Variants in FIBCD1 observed in about 807,000 individuals in gnomAD.
FIBCD1 encodes the protein fibrinogen C domain-containing protein 1.
FIBCD1 carries 47 observed loss-of-function variants against 45.1 expected under a neutral mutation model. The ratio of observed to expected loss-of-function variants is 1.04; its 90% CI spans 0.82 to 1.33. The LOEUF (loss-of-function observed/expected upper bound fraction) is 1.33, where lower values mean the gene tolerates loss of function less well. Ranked by LOEUF, FIBCD1 falls within the 40% of genes most tolerant of loss-of-function variation. FIBCD1 has a pLI of 0.00. For missense variants in FIBCD1, 653 were observed against 682.2 expected, an observed-to-expected ratio of 0.96 and a Z score of 0.48; for synonymous variants, 313 against 308.1, an observed-to-expected ratio of 1.02 and a Z score of -0.17.
intron 5 of FIBCD1, among the ~76,000 whole-genome samples, chr9:130,910,083 C>T (rs545546123): frequency 1.4e-4 from 21 of 152,240 alleles, no homozygotes; most frequent in Non-Finnish European, 2.8e-4. Context: ...CTGGCCAAGG[C>T]CGGAGCCCAC....
At chr9:130,904,435 A>T in intron 6 of FIBCD1, 112 bp from the exon 7 acceptor site, 1 of 1,421,470 alleles carries the variant, frequency 7.0e-7, no homozygotes, top group Non-Finnish European at 9.4e-7. Flanking sequence ...GTGAGTGCAT[A>T]CACGTACGCA....
At chr9:130,921,055 G>A (rs949352877) in intron 4 of FIBCD1, among the ~76,000 whole-genome samples, 10 of 152,222 alleles carry the variant, frequency 6.6e-5, no homozygotes, top group African/African-American at 1.2e-4. Context: ...GGGCGCTGGC[G>A]TGATGCCGGG....
At chr9:130,917,715 C>T (rs11793972) in intron 4 of FIBCD1, among the ~76,000 whole-genome samples, 82,343 of 152,088 alleles carry the variant, frequency 0.54, 24,132 homozygotes, top group African/African-American at 0.76. Flanking sequence ...CACCCTAGCA[C>T]CCGGCCAGTG....
At chr9:130,911,950 T>A in intron 4 of FIBCD1, 62 bp from the exon 5 acceptor site, 2 of 1,461,694 alleles carry the variant, frequency 1.4e-6, no homozygotes, top group Non-Finnish European at 1.9e-6. Context: ...GCAGCCCACC[T>A]GGGCCCACCC....
At chr9:130,913,506 C>A (rs974093002) in intron 4 of FIBCD1, among the ~76,000 whole-genome samples, 1 of 152,126 alleles carries the variant, frequency 6.6e-6, no homozygotes, top group Non-Finnish European at 1.5e-5. Flanking sequence ...GTGTCCGTCA[C>A]GGCGTTTGGG....
intron 4 of FIBCD1, among the ~76,000 whole-genome samples, chr9:130,914,136 G>A (rs10793972): frequency 0.53 from 80,891 of 151,826 alleles, 23,662 homozygotes; most frequent in African/African-American, 0.78. Context: ...TGCCAGCTGG[G>A]TGGCTAGCCA....
intron 2 of FIBCD1, 49 bp from the exon 3 acceptor site, chr9:130,924,445 TG>T: frequency 6.8e-7 from 1 of 1,466,552 alleles, no homozygotes; most frequent in Non-Finnish European, 9.3e-7. Context: ...CTGTTGGGGG[TG>T]GGGTGGCGCA....
intron 5 of FIBCD1, among the ~76,000 whole-genome samples, chr9:130,910,907 G>A (rs1193172091): frequency 1.3e-5 from 2 of 152,108 alleles, no homozygotes; most frequent in African/African-American, 4.8e-5. Context: ...TCCATACTCT[G>A]TATCTAACTA....
At chr9:130,911,099 G>A (rs150973830) in intron 5 of FIBCD1, among the ~76,000 whole-genome samples, 3 of 152,284 alleles carry the variant, frequency 2.0e-5, no homozygotes, top group African/African-American at 4.8e-5. Flanking sequence ...TCCCTCCTGC[G>A]CTGTGGAAGC....
Position 130,926,060 on chromosome 9 carries a change from G to A in FIBCD1, c.553-1664C>T, listed in dbSNP as rs1217191862. On this transcript the variant is annotated intron_variant, in intron 2 of 6. Coordinates refer to ENST00000372338, the MANE Select transcript of FIBCD1 (RefSeq NM_032843.5). This position sits in a 1 kb window ranked among gnomAD's most constrained non-coding sequence, Gnocchi z 4.1. Reference sequence around the variant, plus strand: ...GCAGGCAGGGCGTTTGGGTTTCACGGCAGCATCCTGTAGACGAGCTCCACT... The same window carrying A: ...GCAGGCAGGGCGTTTGGGTTTCACGACAGCATCCTGTAGACGAGCTCCACT... 3.3e-5 allele frequency among the ~76,000 whole-genome samples: 5 copies of A among 152,184 alleles called. No homozygotes were observed.
Position 130,911,832 on chromosome 9 carries a change from G to A in FIBCD1, c.906C>T (p.Tyr302=). 1.2e-6 allele frequency: 2 copies of A among 1,604,816 alleles called. No homozygotes were observed. The highest frequency in any genetic ancestry group is 1.7e-6 in the Non-Finnish European group (2 of 1,176,500). The change falls in exon 5 of 7, where the codon TAC becomes TAT. Residue 302 remains tyrosine (Y), a synonymous_variant. Coordinates refer to ENST00000372338, the MANE Select transcript of FIBCD1 (RefSeq NM_032843.5). ...CGGTGAGCCTGCCAAAGCCGTCTCG[G>A]TACGCATCCCAGCCCCGGAAGAAGT... The part of the protein sequence containing the change: ...SVNFFRGWDA[Y]RDGFGRLTGE...
In FIBCD1 at chr9:130,911,877, G is replaced by C. The variant is rs142360752; in HGVS notation, c.861C>G (p.Arg287=). 238 of 1,581,792 alleles carry C rather than the reference G, an allele frequency of 1.5e-4. No individual in the cohort carries two copies. The highest frequency in any genetic ancestry group is 1.9e-4 in the Non-Finnish European group (217 of 1,165,310). Residue 287 remains arginine (R), a synonymous_variant, in exon 5 of 7, where the codon CGC becomes CGG. Transcript: ENST00000372338. ...TDGGGWTVFQ[R]REDGSVNFFR... is the part of the protein sequence containing the mutation. ...AGAAGTTCACGGAGCCGTCCTCCCGGCGCTGAAACACCTGCAAAGGGAAGA... is the reference window on the plus strand; with the variant it reads ...AGAAGTTCACGGAGCCGTCCTCCCGCCGCTGAAACACCTGCAAAGGGAAGA...
chr9:130,908,833 GC>G lies in FIBCD1; in HGVS notation c.946+2958del, dbSNP rs1030623158. 7.7e-4 allele frequency among the ~76,000 whole-genome samples: 117 copies of G among 152,124 alleles called. 6 individuals are homozygous for G. The highest frequency in any genetic ancestry group is 1.5e-5 in the Non-Finnish European group (1 of 67,994). ...ACCAGGGCACGGCAGGTCAGAGAGG[GC>G]CCTGCTCTCATGGGCCCCGGTGAGG... is the stretch of plus-strand genomic sequence containing the variant. On this transcript the variant is annotated intron_variant, in intron 5 of 6. Transcript: ENST00000372338.
intron 1 of FIBCD1, chr9:130,930,940 G>C: frequency 2.4e-6 from 1 of 418,886 alleles, no homozygotes; most frequent in Non-Finnish European, 4.9e-6. Flanking sequence ...CATCACGGAA[G>C]GTCCCTTCCA....
At chr9:130,921,287 G>A (rs1832256112) in intron 4 of FIBCD1, among the ~76,000 whole-genome samples, 1 of 152,252 alleles carries the variant, frequency 6.6e-6, no homozygotes, top group East Asian at 1.9e-4. Context: ...GAGGATGGAT[G>A]GTATCCAGGG....
Position 130,911,870 on chromosome 9 carries a change from C to T in FIBCD1, c.868G>A (p.Asp290Asn), listed in dbSNP as rs142317287. 73 of 1,587,820 alleles carry T rather than the reference C, an allele frequency of 4.6e-5. No individual in the cohort carries two copies. The South Asian group carries it at 4.9e-4, about 11-fold the overall frequency. Reference sequence around the variant, plus strand: ...CCCCGGAAGAAGTTCACGGAGCCGTCCTCCCGGCGCTGAAACACCTGCAAA... The same window carrying T: ...CCCCGGAAGAAGTTCACGGAGCCGTTCTCCCGGCGCTGAAACACCTGCAAA... The part of the protein sequence containing the change: ...GGWTVFQRRE[D>N]GSVNFFRGWD... Residue 290 changes from aspartate to asparagine, a missense_variant, in exon 5 of 7, where the codon GAC becomes AAC. Coordinates refer to ENST00000372338, the MANE Select transcript of FIBCD1 (RefSeq NM_032843.5).
At chr9:130,931,562 G>A (rs371797018) in intron 1 of FIBCD1, among the ~76,000 whole-genome samples, 3 of 152,148 alleles carry the variant, frequency 2.0e-5, no homozygotes, top group South Asian at 2.1e-4. Flanking sequence ...GGGCAGGCGC[G>A]ATAAAAAACT....
chr9:130,905,202 C>A (rs780559790), intron 6 of FIBCD1, 32 bp downstream of exon 6: 1 of 1,594,498 alleles, frequency 6.3e-7, no homozygotes, highest in Non-Finnish European at 8.6e-7. Flanking sequence ...GGCCGCCCCC[C>A]TTCCCCATCC....
At chr9:130,916,327 C>T (rs1832160700) in intron 4 of FIBCD1, among the ~76,000 whole-genome samples, 2 of 152,254 alleles carry the variant, frequency 1.3e-5, no homozygotes, top group East Asian at 1.9e-4. Context: ...CAGTGACCCA[C>T]GGAGTACGCC....
Sources: gnomAD v4.1 joint callset for allele counts (sites outside exome capture counted in the v4.1 genomes callset) on GRCh38, gnomAD v4.1.1 for gene constraint, Gnocchi (gnomAD v3.1) non-coding constraint, MANE v1.5 for transcripts, NCBI Gene and HGNC (gene_info 2026-07-23, HGNC 2026-07-21) for gene names.